The following FCRL4 variants were observed in gnomAD, a reference collection of about 807,000 sequenced individuals.
FCRL4 encodes Fc receptor like 4.
Under a neutral mutation model 64.1 loss-of-function variants are expected in FCRL4, and 43 were observed. The ratio of observed to expected loss-of-function variants is 0.67; its 90% CI spans 0.53 to 0.87. FCRL4 has a LOEUF of 0.87. Among genes scored for constraint, FCRL4 ranks in the 40% least tolerant of loss-of-function variants. The pLI, the probability that FCRL4 is intolerant of heterozygous loss-of-function variation, is 0.00. For missense variants in FCRL4, 656 were observed against 613.5 expected (o/e 1.07, Z -0.73); for synonymous variants, 253 against 239.8 (o/e 1.05, Z -0.51).
chr1:157,587,726 C>G, intron 4 of FCRL4, 139 bp downstream of exon 4: 1 of 1,111,766 alleles, frequency 9.0e-7, no homozygotes, highest in Non-Finnish European at 1.3e-6. Context: ...TCCAATCACC[C>G]CACTTTCTCT....
In FCRL4 at chr1:157,575,440, G is replaced by C. The variant is rs542928965; in HGVS notation, c.*84C>G. ...AGCTGGAATGAGTTGATCATTCCAG[G>C]GGCCGCAAGGACTGCACTGGGCCTG... On this transcript the variant is annotated 3_prime_UTR_variant, in exon 12 of 12. Coordinates refer to ENST00000271532, the MANE Select transcript of FCRL4 (RefSeq NM_031282.3). The C allele has an allele frequency of 7.5e-6, 7 of 937,818 alleles. No individual in the cohort carries two copies. The South Asian group carries it at 9.7e-5, about 13-fold the overall frequency. The allele number at this position is 937,818 out of a possible 1,614,324, so 58.1% of individuals were successfully genotyped here. A position where few individuals can be genotyped will look rare whatever the true frequency, so the allele number is the denominator to read the frequency against.
intron 10 of FCRL4, among the ~76,000 whole-genome samples, chr1:157,577,102 TAAG>T (rs1378684095): frequency 2.6e-5 from 4 of 152,022 alleles, no homozygotes; most frequent in Non-Finnish European, 5.9e-5. Context: ...AGGAAAAAAA[TAAG>T]AAGATTGGTT....
Position 157,575,593 on chromosome 1 carries a change from G to A in FCRL4, c.1479C>T (p.Tyr493=). 6.2e-7 allele frequency: 1 copy of A among 1,613,490 alleles called. No homozygotes were observed. The highest frequency in any genetic ancestry group is 2.2e-5 in the East Asian group (1 of 44,872). Residue 493 remains tyrosine (Y), a synonymous_variant, in exon 12 of 12, where the codon TAC becomes TAT. Coordinates refer to ENST00000271532, the MANE Select transcript of FCRL4 (RefSeq NM_031282.3). ...LLEDKDVSVV[Y]SEVKTQHPDN... ...CTGGGTGTTGTGTCTTTACCTCAGAGTAGACAACTGAGACATCCTGAAATG... is the reference window on the plus strand; with the variant it reads ...CTGGGTGTTGTGTCTTTACCTCAGAATAGACAACTGAGACATCCTGAAATG...
Position 157,586,185 on chromosome 1 carries a change from A to C in FCRL4, c.1118T>G (p.Leu373Arg). ...AAACTCACCTCTCACAGTGACATTCAGCACCATGCTCTGGACAGGGCCGTA... is the reference window on the plus strand; with the variant it reads ...AAACTCACCTCTCACAGTGACATTCCGCACCATGCTCTGGACAGGGCCGTA... ...NSYGPVQSMV[L>R]NVTVRETPGN... is the part of the protein sequence containing the mutation. The change falls in exon 6 of 12, where the codon CTG becomes CGG. Residue 373 changes from leucine (L) to arginine (R), a missense_variant. Leu to Arg is a moderately radical substitution (Grantham distance 102). Transcript: ENST00000271532. The C allele has an allele frequency of 6.2e-7, 1 of 1,609,844 alleles. No homozygotes were observed. Among genetic ancestry groups the C allele is most frequent in the Non-Finnish European group, 8.5e-7 (1 of 1,176,646 alleles).
chr1:157,587,770 A>G (rs1652736121), intron 4 of FCRL4, 95 bp downstream of exon 4: 2 of 1,304,052 alleles, frequency 1.5e-6, no homozygotes, highest in Non-Finnish European at 2.1e-6. Flanking sequence ...TCATCTATCC[A>G]GAGTTTCAAT....
In FCRL4 at chr1:157,587,847, A is replaced by G. The variant is rs1419951343; in HGVS notation, c.562+18T>C. The G allele has an allele frequency of 1.3e-6, 2 of 1,594,158 alleles. No individual in the cohort carries two copies. The highest frequency in any genetic ancestry group is 1.7e-5 in the Admixed American group (1 of 59,504). ...CCCTGTCATTACTAAGCAAATCTAT[A>G]TGAACTGAAAGATTCACCTTGAATT... On this transcript the variant is annotated intron_variant, in intron 4 of 11. Transcript: ENST00000271532.
intron 2 of FCRL4, among the ~76,000 whole-genome samples, chr1:157,592,306 G>T (rs768189061): frequency 2.6e-5 from 4 of 152,080 alleles, no homozygotes; most frequent in Non-Finnish European, 5.9e-5. Context: ...AGAGCAAACA[G>T]GCAACCTACA....
At chr1:157,592,897 T>G (rs1225506013) in intron 2 of FCRL4, among the ~76,000 whole-genome samples, 1 of 152,232 alleles carries the variant, frequency 6.6e-6, no homozygotes. Flanking sequence ...CATGGAATAC[T>G]ATGCAGCCAT....
Position 157,587,511 on chromosome 1 carries a change from C to A in FCRL4, c.612G>T (p.Glu204Asp), listed in dbSNP as rs140418584. The A allele has an allele frequency of 9.8e-4, 1,583 of 1,614,040 alleles. 2 individuals carry two copies. The highest frequency in any genetic ancestry group is 1.2e-3 in the Non-Finnish European group (1,434 of 1,180,002). ...ELKATDSQPT[E>D]GNSVNLSCET... ...CACAGCTCAGGTTTACAGAATTCCCCTCTGTAGGCTGAGAGTCTGTAGCTT... is the reference window on the plus strand; with the variant it reads ...CACAGCTCAGGTTTACAGAATTCCCATCTGTAGGCTGAGAGTCTGTAGCTT... The change falls in exon 5 of 12, where the codon GAG becomes GAT. Residue 204 changes from glutamate (E) to aspartate (D), a missense_variant. Glu to Asp is a conservative substitution (Grantham distance 45, BLOSUM62 2). Coordinates refer to ENST00000271532, the MANE Select transcript of FCRL4 (RefSeq NM_031282.3).
chr1:157,582,270 A>G (rs1262899259), intron 6 of FCRL4, among the ~76,000 whole-genome samples: 1 of 152,172 alleles, frequency 6.6e-6, no homozygotes, highest in Non-Finnish European at 1.5e-5. Context: ...GTTTCATTCA[A>G]TTTACTTATT....
intron 9 of FCRL4, 50 bp downstream of exon 9, chr1:157,578,720 A>G: frequency 6.3e-7 from 1 of 1,580,144 alleles, no homozygotes; most frequent in Non-Finnish European, 8.7e-7. Context: ...AAAGCGCATT[A>G]TCTTTCCATG....
intron 10 of FCRL4, among the ~76,000 whole-genome samples, chr1:157,577,446 G>T (rs1253280813): frequency 6.6e-6 from 1 of 152,144 alleles, no homozygotes; most frequent in East Asian, 1.9e-4. Flanking sequence ...AGCTTATTGT[G>T]GCCAAAACGG....
At position 157,574,689 on chromosome 1, in the gene FCRL4, G is replaced by A. The variant is rs1652360153; in HGVS notation, c.*835C>T. The A allele has an allele frequency of 4.7e-6, 1 of 212,098 alleles. No individual in the cohort carries two copies. Among genetic ancestry groups the A allele is most frequent in the Non-Finnish European group, 9.5e-6 (1 of 104,834 alleles). The allele number at this position is 212,098 out of a possible 1,614,324, so 13.1% of individuals were successfully genotyped here. A position where few individuals can be genotyped will look rare whatever the true frequency, so the allele number is the denominator to read the frequency against. ...AGGAGTGCTTATTGCTAAGGGGTTGGTAATTATTTCAGTGAACAGACGTAG... is the reference window on the plus strand; with the variant it reads ...AGGAGTGCTTATTGCTAAGGGGTTGATAATTATTTCAGTGAACAGACGTAG... On this transcript the variant is annotated 3_prime_UTR_variant, in exon 12 of 12. Coordinates refer to ENST00000271532, the MANE Select transcript of FCRL4 (RefSeq NM_031282.3).
rs1652529463 is a variant in FCRL4 at position 157,580,243 on chromosome 1, C to T, written c.1277+78G>A. ...ACAGGGCCAAAGAGGTATAACTTGA[C>T]CTAATTTCATAACCCCACAGTTTTG... On this transcript the variant is annotated intron_variant, in intron 8 of 11. Transcript: ENST00000271532. 2.0e-6 allele frequency: 3 copies of T among 1,491,078 alleles called. No homozygotes were observed. The African/African-American group carries it at 4.1e-5, about 21-fold the overall frequency. 92.4% of individuals were successfully genotyped at this position (1,491,078 alleles called of 1,614,324 possible). A position where few individuals can be genotyped will look rare whatever the true frequency, so the allele number is the denominator to read the frequency against.
intron 3 of FCRL4, 44 bp downstream of exon 3, chr1:157,589,160 T>G: frequency 6.3e-7 from 1 of 1,597,458 alleles, no homozygotes; most frequent in Non-Finnish European, 8.6e-7. Context: ...TAAGATAAAC[T>G]GATACCATTT....
At chr1:157,585,215 C>A (rs1430430835) in intron 6 of FCRL4, among the ~76,000 whole-genome samples, 1 of 150,318 alleles carries the variant, frequency 6.7e-6, no homozygotes, top group East Asian at 2.0e-4. Context: ...AAGCTAGATT[C>A]TTCCTTTCTT....
chr1:157,580,424 T>G (rs1026894837), intron 7 of FCRL4, 76 bp from the exon 8 acceptor site: 3 of 1,478,238 alleles, frequency 2.0e-6, no homozygotes, highest in Non-Finnish European at 2.8e-6. Context: ...ACAGGAGCTA[T>G]CTAAGAGAGG....
At chr1:157,577,672 A>G (rs992178738) in intron 10 of FCRL4, among the ~76,000 whole-genome samples, 5 of 152,256 alleles carry the variant, frequency 3.3e-5, no homozygotes, top group African/African-American at 9.6e-5. Flanking sequence ...GGACAGTACC[A>G]GAGAGACAGG....
At chr1:157,591,624 C>A (rs531182518) in intron 2 of FCRL4, among the ~76,000 whole-genome samples, 23 of 152,124 alleles carry the variant, frequency 1.5e-4, no homozygotes, top group African/African-American at 5.3e-4. Flanking sequence ...GGTAGGTGCT[C>A]CTAACTTCCC....
Sources: allele counts gnomAD v4.1 joint callset (sites outside exome capture counted in the v4.1 genomes callset), GRCh38; gene constraint gnomAD v4.1.1; transcripts MANE v1.5; gene names NCBI Gene and HGNC (gene_info 2026-07-23, HGNC 2026-07-21).